STXBP4: variants seen among roughly 807,000 people sequenced by gnomAD.
STXBP4 encodes syntaxin-binding protein 4.
STXBP4 carries 55 observed loss-of-function variants against 76.1 expected under a neutral mutation model. That is an observed-to-expected ratio of 0.72 (90% CI 0.58 to 0.91). STXBP4 has a LOEUF of 0.91. Ranked by LOEUF, STXBP4 falls within the 40% of genes least tolerant of loss-of-function variation. The pLI, the probability that STXBP4 is intolerant of heterozygous loss-of-function variation, is 0.00. For synonymous variants in STXBP4, 201 were observed against 220.2 expected (o/e 0.91, Z 0.77); for missense variants, 618 against 636.9 (o/e 0.97, Z 0.32).
downstream of STXBP4, among the ~76,000 whole-genome samples, chr17:55,177,843 C>CTTT (rs2080436573): frequency 6.6e-6 from 1 of 152,190 alleles, no homozygotes; most frequent in South Asian, 2.1e-4. Flanking sequence ...AGGAACATGC[C>CTTT]TGAGTGAAAG....
At chr17:55,060,526 A>G (rs2078982736) in intron 12 of STXBP4, among the ~76,000 whole-genome samples, 1 of 152,128 alleles carries the variant, frequency 6.6e-6, no homozygotes, top group Admixed American at 6.5e-5. Flanking sequence ...TAAATTCCTT[A>G]AGCACATAGA....
intron 12 of STXBP4, among the ~76,000 whole-genome samples, chr17:55,062,922 G>A (rs1035337265): frequency 6.6e-6 from 1 of 152,216 alleles, no homozygotes; most frequent in African/African-American, 2.4e-5. Context: ...AAATCTCTTT[G>A]AGAAAAGAAG....
At position 55,139,764 on chromosome 17, in the gene STXBP4, T is replaced by A. The variant is rs117474664; in HGVS notation, c.1490-1546T>A. ...CTAGGAAGTGCTTATTTTCTACTTATAAGAGGAACATTTGTTCATTAAGAG... is the reference window on the plus strand; with the variant it reads ...CTAGGAAGTGCTTATTTTCTACTTAAAAGAGGAACATTTGTTCATTAAGAG... On this transcript the variant is annotated intron_variant, in intron 16 of 17. Coordinates refer to ENST00000376352, the MANE Select transcript of STXBP4 (RefSeq NM_178509.6). Among the ~76,000 whole-genome samples the A allele has an allele frequency of 6.1e-3, 928 of 152,166 alleles. 5 individuals carry two copies. Among genetic ancestry groups the A allele is most frequent in the Non-Finnish European group, 9.9e-3 (675 of 67,996 alleles).
At chr17:55,157,117 TCTC>T (rs1457934844) in intron 17 of STXBP4, among the ~76,000 whole-genome samples, 1 of 152,176 alleles carries the variant, frequency 6.6e-6, no homozygotes, top group Non-Finnish European at 1.5e-5. Flanking sequence ...TTCCTTCCCA[TCTC>T]CTCCAATTAT....
chr17:55,030,058 A>G (rs867873389), intron 8 of STXBP4, among the ~76,000 whole-genome samples: 21 of 152,196 alleles, frequency 1.4e-4, no homozygotes, highest in African/African-American at 5.1e-4. Context: ...AGGACATCCA[A>G]TTAGTCCCTT....
chr17:54,980,386 C>G (rs9903146), intron 1 of STXBP4, among the ~76,000 whole-genome samples: 9 of 152,010 alleles, frequency 5.9e-5, no homozygotes, highest in African/African-American at 2.2e-4. Flanking sequence ...GACTACAAGT[C>G]GTCCAGGTTC....
At chr17:55,211,505 TC>T in the STXBP4 span, among the ~76,000 whole-genome samples, 1 of 152,352 alleles carries the variant, frequency 6.6e-6, no homozygotes, top group South Asian at 2.1e-4. Context: ...TTGTAAATTT[TC>T]TTTCATCACA....
At position 55,166,244 on chromosome 17, in the gene STXBP4, C is replaced by T. The variant is rs1207417008; in HGVS notation, c.*6333C>T. ...CCTAGAACATTTCTTAAATATATTC[C>T]CTTTTCTCTGTTTCATGCAAACATG... On this transcript the variant is annotated 3_prime_UTR_variant, in exon 18 of 18. Coordinates refer to ENST00000376352, the MANE Select transcript of STXBP4 (RefSeq NM_178509.6). The T allele has an allele frequency of 6.6e-6, 1 of 152,054 alleles. No homozygotes were observed. 9.4% of individuals were successfully genotyped at this position (152,054 alleles called of 1,614,324 possible).
chr17:55,124,833 C>T (rs2079890331), intron 16 of STXBP4, among the ~76,000 whole-genome samples: 1 of 152,178 alleles, frequency 6.6e-6, no homozygotes, highest in Non-Finnish European at 1.5e-5. Context: ...GATCTCTTCT[C>T]TTGGCTTGTA....
intron 3 of STXBP4, among the ~76,000 whole-genome samples, chr17:54,987,124 A>G (rs1464187159): frequency 1.3e-5 from 2 of 152,204 alleles, no homozygotes; most frequent in African/African-American, 2.4e-5. Context: ...GAAAGGAAGC[A>G]GTAAAGTCAC....
chr17:55,050,891 C>T (rs1238229347), intron 12 of STXBP4, among the ~76,000 whole-genome samples: 1 of 152,138 alleles, frequency 6.6e-6, no homozygotes, highest in South Asian at 2.1e-4. Context: ...TGGTTTTGAA[C>T]TCCTGACCTC....
chr17:55,195,499 T>A, the STXBP4 span, among the ~76,000 whole-genome samples: 1 of 152,214 alleles, frequency 6.6e-6, no homozygotes, highest in South Asian at 2.1e-4. Context: ...TAGACTAGAG[T>A]GCAGTGGTGT....
chr17:55,158,152 T>G (rs1022017821), intron 17 of STXBP4, among the ~76,000 whole-genome samples: 2 of 152,116 alleles, frequency 1.3e-5, no homozygotes, highest in African/African-American at 4.8e-5. Context: ...AGCCTCAAAC[T>G]TCTGAGTTCA....
At chr17:55,043,731 GT>G (rs1386734353) in intron 11 of STXBP4, 2 of 1,255,948 alleles carry the variant, frequency 1.6e-6, no homozygotes, top group African/African-American at 3.1e-5. Context: ...GGGACATCAT[GT>G]TTTGCTAACG....
At chr17:55,151,685 C>T (rs1567783686) in intron 17 of STXBP4, among the ~76,000 whole-genome samples, 2 of 152,140 alleles carry the variant, frequency 1.3e-5, no homozygotes, top group African/African-American at 2.4e-5. Flanking sequence ...CGAAGGGAAG[C>T]GTGAGCTGTT....
At chr17:55,131,089 T>C (rs8080157) in intron 16 of STXBP4, among the ~76,000 whole-genome samples, 27,912 of 152,212 alleles carry the variant, frequency 0.18, 3,075 homozygotes, top group Middle Eastern at 0.35. Context: ...TTGAGGAACC[T>C]ACGTACTATT....
chr17:55,073,553 G>A (rs572928260), intron 13 of STXBP4, among the ~76,000 whole-genome samples: 1 of 152,204 alleles, frequency 6.6e-6, no homozygotes, highest in African/African-American at 2.4e-5. Flanking sequence ...AATGTGAGGT[G>A]TACTAAAGTA....
intron 8 of STXBP4, among the ~76,000 whole-genome samples, chr17:55,011,879 G>C (rs1567717583): frequency 6.6e-6 from 1 of 152,272 alleles, no homozygotes; most frequent in East Asian, 1.9e-4. Flanking sequence ...TGCCATTGAG[G>C]AGGTTGGCCG....
In STXBP4 at chr17:55,160,044, A is replaced by G. The variant is rs2080323929; in HGVS notation, c.*133A>G. 1 of 548,412 alleles carries G rather than the reference A, an allele frequency of 1.8e-6. No individual in the cohort carries two copies. Among genetic ancestry groups the G allele is most frequent in the Non-Finnish European group, 3.2e-6 (1 of 310,450 alleles). The allele number at this position is 548,412 out of a possible 1,614,324, so 34.0% of individuals were successfully genotyped here. ...TTGAAGTGTGAAATGGAGACTCTGG[A>G]CTTTGGGTATTTTTGTAAAACTTTT... is the stretch of plus-strand genomic sequence containing the variant. On this transcript the variant is annotated 3_prime_UTR_variant, in exon 18 of 18. Transcript: ENST00000376352.
Sources: allele counts gnomAD v4.1 joint callset (sites outside exome capture counted in the v4.1 genomes callset), GRCh38; gene constraint gnomAD v4.1.1; transcripts MANE v1.5; gene names NCBI Gene and HGNC (gene_info 2026-07-23, HGNC 2026-07-21).